TMEM132D: variants seen among roughly 807,000 people sequenced by gnomAD.
TMEM132D encodes mature OL transmembrane protein.
TMEM132D carries 21 observed loss-of-function variants against 62.3 expected under a neutral mutation model. That is an observed-to-expected ratio of 0.34 (90% confidence interval 0.24 to 0.49). The LOEUF (loss-of-function observed/expected upper bound fraction) is 0.49, where lower values mean the gene tolerates loss of function less well. Among genes scored for constraint, TMEM132D ranks in the 20% least tolerant of loss-of-function variants. The pLI is 0.99. For missense variants in TMEM132D, 1,346 were observed against 1,402.8 expected, an observed-to-expected ratio of 0.96 and a Z score of 0.65; for synonymous variants, 621 against 575.6, an observed-to-expected ratio of 1.08 and a Z score of -1.13.
chr12:129,196,246 T>C (rs1027231517), intron 5 of TMEM132D, among the ~76,000 whole-genome samples: 1 of 152,212 alleles, frequency 6.6e-6, no homozygotes, highest in African/African-American at 2.4e-5. Context: ...AAGCAGCATG[T>C]TATAATCTTT....
At chr12:129,605,292 T>A (rs1878585922) in intron 2 of TMEM132D, among the ~76,000 whole-genome samples, 2 of 152,092 alleles carry the variant, frequency 1.3e-5, no homozygotes, top group Admixed American at 6.5e-5. Flanking sequence ...ACCACGGTAT[T>A]GTAGATTGGC....
rs1471288313 is a variant in TMEM132D, at chr12:129,788,137, T to C, written c.80-87439A>G. 2.6e-5 allele frequency among the ~76,000 whole-genome samples: 4 copies of C among 152,230 alleles called. No homozygotes were observed. In the South Asian group the frequency reaches 6.2e-4, roughly 24 times the overall value. On this transcript the variant is annotated intron_variant, in intron 1 of 8. Coordinates refer to ENST00000422113, the MANE Select transcript of TMEM132D (RefSeq NM_133448.3). The stretch of plus-strand genomic sequence containing the variant: ...CTCTGAATTCATCAACATCTGGAGA[T>C]ACAAAGCTGTGGCAAAGAGTAGGAA...
chr12:129,116,451 A>G (rs1875891538), intron 5 of TMEM132D, among the ~76,000 whole-genome samples: 1 of 152,222 alleles, frequency 6.6e-6, no homozygotes, highest in Non-Finnish European at 1.5e-5. Context: ...AAGAAAATGT[A>G]AAGACAAGCC....
chr12:129,595,363 A>G (rs1396948516), intron 2 of TMEM132D, among the ~76,000 whole-genome samples: 2 of 152,224 alleles, frequency 1.3e-5, no homozygotes, highest in African/African-American at 4.8e-5. Context: ...ATGTTACTTT[A>G]GGATAAGGAT....
At chr12:129,348,394 T>C (rs1184610811) in intron 3 of TMEM132D, among the ~76,000 whole-genome samples, 3 of 152,224 alleles carry the variant, frequency 2.0e-5, no homozygotes, top group Non-Finnish European at 2.9e-5. Flanking sequence ...AATGAGTTCA[T>C]GTCCTTTGCA....
At chr12:129,423,684 T>C (rs1872394948) in intron 3 of TMEM132D, among the ~76,000 whole-genome samples, 1 of 152,156 alleles carries the variant, frequency 6.6e-6, no homozygotes, top group Non-Finnish European at 1.5e-5. Flanking sequence ...GAAGAGCTAG[T>C]ATGCTAATAC....
chr12:129,750,348 G>A (rs1869960281), intron 1 of TMEM132D, among the ~76,000 whole-genome samples: 1 of 152,144 alleles, frequency 6.6e-6, no homozygotes, highest in Admixed American at 6.5e-5. Flanking sequence ...GCCTCCCAAA[G>A]TGCTGGGATT....
chr12:129,757,177 AT>A (rs5801880), intron 1 of TMEM132D, among the ~76,000 whole-genome samples: 142,815 of 152,208 alleles, frequency 0.94, 67,688 homozygotes, highest in East Asian at 1. Flanking sequence ...ACTATAAAGC[AT>A]GTCTTAAAGT....
At chr12:129,158,849 G>T (rs902694919) in intron 5 of TMEM132D, among the ~76,000 whole-genome samples, 3 of 152,202 alleles carry the variant, frequency 2.0e-5, no homozygotes, top group African/African-American at 7.2e-5. Context: ...CATGGCTGGG[G>T]AGGTCTCAGG....
intron 2 of TMEM132D, among the ~76,000 whole-genome samples, chr12:129,636,040 GA>G (rs1879467180): frequency 6.6e-6 from 1 of 152,246 alleles, no homozygotes; most frequent in Non-Finnish European, 1.5e-5. Context: ...GGAATCAATA[GA>G]AAGTAGTGTC....
At chr12:129,764,594 ATGTGTG>A (rs10542789) in intron 1 of TMEM132D, among the ~76,000 whole-genome samples, 2 of 151,578 alleles carry the variant, frequency 1.3e-5, no homozygotes, top group African/African-American at 4.9e-5. Context: ...GTGTGTTTGT[ATGTGTG>A]TGTGTGTGTG....
At chr12:129,142,379 T>C (rs1876770439) in intron 5 of TMEM132D, among the ~76,000 whole-genome samples, 1 of 152,236 alleles carries the variant, frequency 6.6e-6, no homozygotes. Context: ...AATGAATGCA[T>C]GGACAGTCAC....
rs1236523849 is a variant in TMEM132D, at chr12:129,143,558, C to T, written c.1444-58856G>A. On this transcript the variant is annotated intron_variant, in intron 5 of 8. Coordinates refer to ENST00000422113, the MANE Select transcript of TMEM132D (RefSeq NM_133448.3). ...CCTCTGGCTGGTGAAAAATCGGCAG[C>T]AGAGAGATTCTGTTTCCTGAAGCCT... Among the ~76,000 whole-genome samples, 3 of 152,126 alleles carry T rather than the reference C, an allele frequency of 2.0e-5. No individual in the cohort carries two copies. The East Asian group carries it at 5.8e-4, about 29-fold the overall frequency.
At chr12:129,825,506 T>C (rs1304405200) in intron 1 of TMEM132D, among the ~76,000 whole-genome samples, 1 of 152,192 alleles carries the variant, frequency 6.6e-6, no homozygotes, top group African/African-American at 2.4e-5. Context: ...TAATGTCCTC[T>C]TGACCCATCG....
intron 3 of TMEM132D, among the ~76,000 whole-genome samples, chr12:129,340,835 A>G (rs955711451): frequency 1.3e-5 from 2 of 152,204 alleles, no homozygotes; most frequent in African/African-American, 4.8e-5. Context: ...CTAAGTTGGG[A>G]ACTCTCAATC....
At chr12:129,381,209 C>T (rs1362090384) in intron 3 of TMEM132D, among the ~76,000 whole-genome samples, 1 of 152,142 alleles carries the variant, frequency 6.6e-6, no homozygotes, top group African/African-American at 2.4e-5. Flanking sequence ...CTGTTTAAGC[C>T]AAAGTTGATA....
chr12:129,758,792 T>C (rs182540656), intron 1 of TMEM132D, among the ~76,000 whole-genome samples: 1 of 152,288 alleles, frequency 6.6e-6, no homozygotes, highest in South Asian at 2.1e-4. Flanking sequence ...TTGGAAAACA[T>C]ATTTTGGAAG....
rs1593250104 is a variant in TMEM132D at position 129,072,912 on chromosome 12, T to C, written c.*963A>G. 1.3e-5 allele frequency: 2 copies of C among 152,262 alleles called. No individual in the cohort carries two copies. Among genetic ancestry groups the C allele is most frequent in the Middle Eastern group, 3.4e-3 (1 of 292 alleles). 9.4% of individuals were successfully genotyped at this position (152,262 alleles called of 1,614,324 possible). Reference sequence around the variant, plus strand: ...TCAAAGACGGACGGCGTGGGACATATGCCCAGGTTGCGGGGGGAGCTTCTC... The same window carrying C: ...TCAAAGACGGACGGCGTGGGACATACGCCCAGGTTGCGGGGGGAGCTTCTC... On this transcript the variant is annotated 3_prime_UTR_variant, in exon 9 of 9. Transcript: ENST00000422113.
chr12:129,780,246 G>A (rs954941138), intron 1 of TMEM132D, among the ~76,000 whole-genome samples: 12 of 150,726 alleles, frequency 8.0e-5, no homozygotes, highest in African/African-American at 2.7e-4. Context: ...TGTGGACAGC[G>A]TTGACCCTCC....
Sources: allele counts gnomAD v4.1 joint callset (sites outside exome capture counted in the v4.1 genomes callset), GRCh38; gene constraint gnomAD v4.1.1; transcripts MANE v1.5; gene names NCBI Gene and HGNC (gene_info 2026-07-23, HGNC 2026-07-21).